Variants in DLGAP2 observed in about 807,000 individuals in gnomAD.
DLGAP2 encodes the protein disks large-associated protein 2.
Under a neutral mutation model 100.3 loss-of-function variants are expected in DLGAP2, and 26 were observed. That is an observed-to-expected ratio of 0.26 (90% CI 0.19 to 0.36). DLGAP2 has a LOEUF of 0.36. Among genes scored for constraint, DLGAP2 ranks in the 10% least tolerant of loss-of-function variants. The probability of loss-of-function intolerance (pLI) is 1.00; values close to 1 mark genes in which losing one functional copy is unlikely to be tolerated. For synonymous variants in DLGAP2, 886 were observed against 630.1 expected (o/e 1.41, Z -6.08); for missense variants, 1,858 against 1,453.2 (o/e 1.28, Z -4.53).
intron 2 of DLGAP2, among the ~76,000 whole-genome samples, chr8:1,258,129 C>G (rs1585200368): frequency 6.6e-6 from 1 of 152,144 alleles, no homozygotes; most frequent in South Asian, 2.1e-4. Flanking sequence ...GGACTCAATA[C>G]CCATGGATTT....
chr8:1,564,440 G>A (rs898950221), intron 5 of DLGAP2, among the ~76,000 whole-genome samples: 23 of 152,332 alleles, frequency 1.5e-4, no homozygotes, highest in African/African-American at 5.3e-4. Flanking sequence ...CTGTGGGGCC[G>A]TTATGGGTGA....
chr8:1,210,689 A>G (rs1409133703), intron 2 of DLGAP2, among the ~76,000 whole-genome samples: 1 of 152,128 alleles, frequency 6.6e-6, no homozygotes, highest in African/African-American at 2.4e-5. Flanking sequence ...GGGCCACTTG[A>G]GGCCAAAGAA....
intron 2 of DLGAP2, chr8:1,002,976 G>A (rs895680640): frequency 3.3e-5 from 5 of 152,218 alleles, no homozygotes; most frequent in South Asian, 2.1e-4. Context: ...CCTTTATAAC[G>A]ATCTGGGACG....
chr8:1,390,971 G>C (rs1435133163), intron 3 of DLGAP2, among the ~76,000 whole-genome samples: 2 of 152,202 alleles, frequency 1.3e-5, no homozygotes, highest in Admixed American at 1.3e-4. Context: ...GAAAGACCCA[G>C]GGTCTGTGCT....
intron 3 of DLGAP2, among the ~76,000 whole-genome samples, chr8:1,381,663 G>T (rs1796097421): frequency 1.3e-5 from 2 of 152,158 alleles, no homozygotes; most frequent in African/African-American, 2.4e-5. Context: ...AGTAAGTGAG[G>T]CCACTCAGTG....
rs1465762864 is a variant in DLGAP2 at position 1,703,624 on chromosome 8, CA to C, written c.*2219del. On this transcript the variant is annotated 3_prime_UTR_variant, in exon 15 of 15. Transcript: ENST00000637795. Reference sequence around the variant, plus strand: ...CTCCTCACATTGGTCTATCTACTGGCAGCTGATACGTTTAACTCATTTCCTT... The same window carrying C: ...CTCCTCACATTGGTCTATCTACTGGCGCTGATACGTTTAACTCATTTCCTT... 1.3e-5 allele frequency: 2 copies of C among 152,198 alleles called. No homozygotes were observed. The highest frequency in any genetic ancestry group is 2.9e-5 in the Non-Finnish European group (2 of 68,038). The allele number at this position is 152,198 out of a possible 1,614,324, so 9.4% of individuals were successfully genotyped here.
chr8:859,596 G>T (rs1797350994), intron 1 of DLGAP2, among the ~76,000 whole-genome samples: 1 of 152,180 alleles, frequency 6.6e-6, no homozygotes, highest in Admixed American at 6.5e-5. Flanking sequence ...GCTGGGGGAG[G>T]CTGGCTAGCT....
At chr8:1,318,257 C>T (rs1209380317) in intron 3 of DLGAP2, among the ~76,000 whole-genome samples, 1 of 152,132 alleles carries the variant, frequency 6.6e-6, no homozygotes, top group African/African-American at 2.4e-5. Flanking sequence ...TTGATTTCTC[C>T]AAATCGTGGC....
At chr8:965,682 C>A (rs1224981054) in intron 2 of DLGAP2, among the ~76,000 whole-genome samples, 1 of 143,742 alleles carries the variant, frequency 7.0e-6, no homozygotes, top group African/African-American at 2.7e-5. Flanking sequence ...GCACACGGCA[C>A]TGTTCACCTC....
intron 6 of DLGAP2, among the ~76,000 whole-genome samples, chr8:1,566,578 C>A (rs970810705): frequency 6.6e-6 from 1 of 152,188 alleles, no homozygotes; most frequent in South Asian, 2.1e-4. Context: ...CTGCCTTCTG[C>A]GGCCGGCTGT....
chr8:1,378,937 C>G (rs1194021539), intron 3 of DLGAP2, among the ~76,000 whole-genome samples: 1 of 152,256 alleles, frequency 6.6e-6, no homozygotes, highest in Non-Finnish European at 1.5e-5. Flanking sequence ...CAGTCAATCA[C>G]TTCTAGCTCA....
At chr8:1,614,861 G>GCA (rs149530782) in intron 6 of DLGAP2, among the ~76,000 whole-genome samples, 14 of 151,982 alleles carry the variant, frequency 9.2e-5, no homozygotes, top group South Asian at 8.3e-4. Context: ...ACGTGCACAC[G>GCA]CACACACACA....
intron 3 of DLGAP2, chr8:1,301,037 G>C (rs991402737): frequency 2.0e-5 from 3 of 152,486 alleles, no homozygotes; most frequent in East Asian, 3.8e-4. Context: ...GTGGCTTCCA[G>C]CTCCTGGCTG....
At chr8:880,119 G>T (rs1164816202) in intron 1 of DLGAP2, among the ~76,000 whole-genome samples, 2 of 152,142 alleles carry the variant, frequency 1.3e-5, no homozygotes, top group African/African-American at 2.4e-5. Context: ...GTGAGGGGAA[G>T]TTTTCTTTGC....
At chr8:931,942 A>G (rs747370975) in intron 2 of DLGAP2, among the ~76,000 whole-genome samples, 2 of 152,198 alleles carry the variant, frequency 1.3e-5, no homozygotes, top group Admixed American at 6.5e-5. Context: ...TTTGGTCCCC[A>G]TGGCTGGAAG....
At chr8:817,336 A>C (rs751660385) in intron 1 of DLGAP2, among the ~76,000 whole-genome samples, 15 of 152,120 alleles carry the variant, frequency 9.9e-5, no homozygotes, top group Admixed American at 3.9e-4. Context: ...TATTTATGCT[A>C]TCTATTTCAC....
chr8:1,201,634 C>T (rs1045788678), intron 2 of DLGAP2, among the ~76,000 whole-genome samples: 2 of 152,220 alleles, frequency 1.3e-5, no homozygotes, highest in Admixed American at 6.5e-5. Context: ...GGGATTTACA[C>T]ACTCAGAGCT....
intron 4 of DLGAP2, among the ~76,000 whole-genome samples, chr8:1,524,449 G>A (rs1438141722): frequency 6.6e-6 from 1 of 152,066 alleles, no homozygotes; most frequent in Non-Finnish European, 1.5e-5. Flanking sequence ...CCTAACTAAG[G>A]AGCCCAGACT....
chr8:1,501,345 A>T, intron 3 of DLGAP2, 21 bp from the exon 4 acceptor site: 10 of 1,535,856 alleles, frequency 6.5e-6, no homozygotes, highest in Non-Finnish European at 7.8e-6. Context: ...TTAAAGAGTG[A>T]CTTTGTTTCT....
Sources: gnomAD v4.1 joint callset for allele counts (sites outside exome capture counted in the v4.1 genomes callset) on GRCh38, gnomAD v4.1.1 for gene constraint, MANE v1.5 for transcripts, NCBI Gene and HGNC (gene_info 2026-07-23, HGNC 2026-07-21) for gene names.